The following LPIN1 variants were observed in gnomAD, a reference collection of about 807,000 sequenced individuals.
LPIN1 encodes lipin 1.
LPIN1 carries 71 observed loss-of-function variants against 107.5 expected under a neutral mutation model. The ratio of observed to expected loss-of-function variants is 0.66; its 90% CI spans 0.55 to 0.80. The LOEUF (loss-of-function observed/expected upper bound fraction) is 0.80, where lower values mean the gene tolerates loss of function less well. LPIN1 is among the 30% of genes least tolerant of loss of function. The probability of loss-of-function intolerance (pLI) is 0.00; values close to 1 mark genes in which losing one functional copy is unlikely to be tolerated. For synonymous variants in LPIN1, 445 were observed against 452.6 expected (o/e 0.98, Z 0.21); for missense variants, 1,043 against 1,160.6 (o/e 0.90, Z 1.47).
At chr2:11,772,062 C>A (rs1353986509) in intron 4 of LPIN1, among the ~76,000 whole-genome samples, 1 of 152,206 alleles carries the variant, frequency 6.6e-6, no homozygotes, top group Non-Finnish European at 1.5e-5. Context: ...TAGATTCTCA[C>A]AAGGAGTGCG....
intron 1 of LPIN1, among the ~76,000 whole-genome samples, chr2:11,694,806 C>T (rs1662488044): frequency 6.6e-6 from 1 of 152,216 alleles, no homozygotes; most frequent in Non-Finnish European, 1.5e-5. Flanking sequence ...TAAAATCTCT[C>T]ACACATACAA....
chr2:11,791,664 G>A (rs754193493), intron 12 of LPIN1: 2 of 1,321,592 alleles, frequency 1.5e-6, no homozygotes, highest in East Asian at 8.6e-5. Context: ...TTGTTGTGTT[G>A]TATTTTATTT....
intron 1 of LPIN1, among the ~76,000 whole-genome samples, chr2:11,711,231 C>T (rs1663392155): frequency 6.6e-6 from 1 of 152,120 alleles, no homozygotes; most frequent in African/African-American, 2.4e-5. Context: ...ATATCTGTAC[C>T]CAAGTTGCAT....
intron 1 of LPIN1, among the ~76,000 whole-genome samples, chr2:11,726,066 C>T (rs941534041): frequency 6.6e-6 from 1 of 152,158 alleles, no homozygotes; most frequent in Admixed American, 6.6e-5. Context: ...AATGCACTGT[C>T]CCTTCATCAG....
At chr2:11,732,382 C>T (rs1004161721) in intron 1 of LPIN1, among the ~76,000 whole-genome samples, 1 of 152,170 alleles carries the variant, frequency 6.6e-6, no homozygotes, top group Non-Finnish European at 1.5e-5. Context: ...CTTTGGACTT[C>T]TGGTTCAGAG....
rs778562391 is a variant in LPIN1, at chr2:11,782,269, CT to C, written c.1029del (p.Gln344ArgfsTer36). The C allele has an allele frequency of 2.3e-5, 37 of 1,614,086 alleles. No homozygotes were observed. The highest frequency in any genetic ancestry group is 2.8e-5 in the Non-Finnish European group (33 of 1,180,046). On this transcript the variant is annotated frameshift_variant, in exon 8 of 21. Transcript: ENST00000674199. LOFTEE classifies it high-confidence loss of function. ...SSRKICDKSH[F>X]QAIHSESSDT... ...GTAGAAAAATTTGTGATAAAAGTCA[CT>C]TTCAGGCCATTCACAGCGAATCTTC...
intron 14 of LPIN1, among the ~76,000 whole-genome samples, chr2:11,800,590 A>G (rs886802624): frequency 6.6e-6 from 1 of 152,040 alleles, no homozygotes; most frequent in Non-Finnish European, 1.5e-5. Flanking sequence ...AATTTTTTGT[A>G]GAGACAGGTT....
At chr2:11,773,206 A>G (rs1248916685) in intron 4 of LPIN1, among the ~76,000 whole-genome samples, 1 of 152,198 alleles carries the variant, frequency 6.6e-6, no homozygotes, top group Non-Finnish European at 1.5e-5. Context: ...TGATCAGCGT[A>G]TGGTCATTGA....
upstream of LPIN1, chr2:11,722,496 G>T (rs1157992149): frequency 6.6e-6 from 1 of 152,234 alleles, no homozygotes; most frequent in East Asian, 1.9e-4. Flanking sequence ...ACTGCAGTTT[G>T]TCAAGGGTGG....
In LPIN1 at chr2:11,795,433, C is replaced by T. The variant is rs552130056; in HGVS notation, c.1832C>T (p.Ala611Val). ...GAAAGTAAGCCAGAGCAGTGCTTGG[C>T]TGGCAAGGCCCATAGCACCGGAGAG... ...KEESKPEQCLAGKAHSTGEQP... is the reference protein window; with the variant it reads ...KEESKPEQCLVGKAHSTGEQP... The change falls in exon 14 of 21, where the codon GCT becomes GTT. Residue 611 changes from alanine (A) to valine (V), a missense_variant. Coordinates refer to ENST00000674199, the MANE Select transcript of LPIN1 (RefSeq NM_001349206.2). 1.9e-6 allele frequency: 3 copies of T among 1,614,084 alleles called. No homozygotes were observed. The African/African-American group carries it at 4.0e-5, about 22-fold the overall frequency.
chr2:11,776,405 T>G (rs1437791905), intron 6 of LPIN1, among the ~76,000 whole-genome samples: 1 of 152,174 alleles, frequency 6.6e-6, no homozygotes, highest in African/African-American at 2.4e-5. Flanking sequence ...TCTTTTCCTT[T>G]CGTTATAAGC....
chr2:11,757,896 C>T (rs1668924415), intron 1 of LPIN1, among the ~76,000 whole-genome samples: 1 of 152,128 alleles, frequency 6.6e-6, no homozygotes, highest in Non-Finnish European at 1.5e-5. Context: ...AAAATGGAAA[C>T]CCTGTACCCA....
In LPIN1 at chr2:11,774,670, T is replaced by C. The variant is rs548377369; in HGVS notation, c.722+925T>C. Among the ~76,000 whole-genome samples the C allele has an allele frequency of 1.4e-3, 213 of 152,292 alleles. No individual in the cohort carries two copies. Among genetic ancestry groups the C allele is most frequent in the African/African-American group, 4.9e-3 (204 of 41,562 alleles). On this transcript the variant is annotated intron_variant, in intron 5 of 20. Coordinates refer to ENST00000674199, the MANE Select transcript of LPIN1 (RefSeq NM_001349206.2). The surrounding 1 kb of genome is among the most constrained non-coding windows in gnomAD (Gnocchi z 4.4). ...ACTCTGGGTTCCTACCTGAAGCCGG[T>C]CTTATCAAAACGCCACCCCTGGTTC...
Position 11,771,270 on chromosome 2 carries a change from G to A in LPIN1, c.289-102G>A, listed in dbSNP as rs1572715580. 1.6e-5 allele frequency: 19 copies of A among 1,153,116 alleles called. No homozygotes were observed. The East Asian group carries it at 3.8e-4, about 23-fold the overall frequency. The allele number at this position is 1,153,116 out of a possible 1,614,324, so 71.4% of individuals were successfully genotyped here. On this transcript the variant is annotated intron_variant, in intron 3 of 20. Coordinates refer to ENST00000674199, the MANE Select transcript of LPIN1 (RefSeq NM_001349206.2). This position sits in a 1 kb window ranked among gnomAD's most constrained non-coding sequence, Gnocchi z 4.8. ...CCATCTGCTGTGGCCCTCCCCAGGA[G>A]GTGCTTGGCCTCTGAAGTGAATCCT... is the stretch of plus-strand genomic sequence containing the variant.
In LPIN1 at chr2:11,791,947, C is replaced by A. The variant is rs1675820718; in HGVS notation, c.1747C>A (p.Pro583Thr). 1.9e-6 allele frequency: 3 copies of A among 1,613,794 alleles called. No individual in the cohort carries two copies. In the East Asian group the frequency reaches 6.7e-5, roughly 36 times the overall value. The change falls in exon 13 of 21, where the codon CCC becomes ACC. Residue 583 changes from proline (P) to threonine (T), a missense_variant. Physicochemically the swap from Pro to Thr is conservative, Grantham distance 38. Transcript: ENST00000674199. Reference sequence around the variant, plus strand: ...GGAATCTATCATGAGGGATAAAATGCCCAAAAAGGGAGGAAGATGGTGGTT... The same window carrying A: ...GGAATCTATCATGAGGGATAAAATGACCAAAAAGGGAGGAAGATGGTGGTT... Reference protein sequence around the residue: ...TVESIMRDKMPKKGGRWWFSW... With the variant: ...TVESIMRDKMTKKGGRWWFSW...
rs368614101 is a variant in LPIN1, at chr2:11,773,068, A to G, written c.597-552A>G. On this transcript the variant is annotated intron_variant, in intron 4 of 20. Coordinates refer to ENST00000674199, the MANE Select transcript of LPIN1 (RefSeq NM_001349206.2). Reference sequence around the variant, plus strand: ...CAACATATAGACAGATGGCCTCTGCATGATTGAAATTGTGAATTGTATTTA... The same window carrying G: ...CAACATATAGACAGATGGCCTCTGCGTGATTGAAATTGTGAATTGTATTTA... 6.6e-5 allele frequency among the ~76,000 whole-genome samples: 10 copies of G among 152,358 alleles called. No homozygotes were observed. In the East Asian group the frequency reaches 1.3e-3, roughly 21 times the overall value.
intron 1 of LPIN1, among the ~76,000 whole-genome samples, chr2:11,679,015 G>C (rs1393784938): frequency 2.0e-5 from 3 of 152,220 alleles, no homozygotes; most frequent in Non-Finnish European, 4.4e-5. Flanking sequence ...TCTTAAGTTT[G>C]CCCGGTGCTG....
chr2:11,815,355 G>C, intron 18 of LPIN1, 115 bp downstream of exon 18: 2 of 1,276,276 alleles, frequency 1.6e-6, no homozygotes, highest in Non-Finnish European at 2.2e-6. Context: ...CAATATCCAT[G>C]CTCCATAGCA....
Position 11,797,687 on chromosome 2 carries a change from A to G in LPIN1, c.1886+2200A>G, listed in dbSNP as rs144345081. ...GTATTTACCCAATGCCTGTACCCCA[A>G]TTGTATCTAGGAAGCAACTCACTTG... On this transcript the variant is annotated intron_variant, in intron 14 of 20. Transcript: ENST00000674199. 7.0e-3 allele frequency among the ~76,000 whole-genome samples: 1,067 copies of G among 152,290 alleles called. 16 individuals carry two copies. The highest frequency in any genetic ancestry group is 0.024 in the African/African-American group (987 of 41,568).
Sources: gnomAD v4.1 joint callset for allele counts (sites outside exome capture counted in the v4.1 genomes callset) on GRCh38, gnomAD v4.1.1 for gene constraint, Gnocchi (gnomAD v3.1) non-coding constraint, MANE v1.5 for transcripts, NCBI Gene and HGNC (gene_info 2026-07-23, HGNC 2026-07-21) for gene names.